TTC7A: variants seen among roughly 807,000 people sequenced by gnomAD.
TTC7A encodes tetratricopeptide repeat protein 7A.
TTC7A carries 110 observed loss-of-function variants against 103.7 expected under a neutral mutation model. The ratio of observed to expected loss-of-function variants is 1.06; its 90% CI spans 0.91 to 1.24. The LOEUF is 1.24. TTC7A is among the 50% of genes most tolerant of loss of function. The pLI, the probability that TTC7A is intolerant of heterozygous loss-of-function variation, is 0.00. For missense variants in TTC7A, 1,340 were observed against 1,116.3 expected, an observed-to-expected ratio of 1.20 and a Z score of -2.86; for synonymous variants, 521 against 467.9, an observed-to-expected ratio of 1.11 and a Z score of -1.47.
chr2:46,957,150 C>T (rs953832926), intron 3 of TTC7A, 143 bp downstream of exon 3: 22 of 1,005,888 alleles, frequency 2.2e-5, no homozygotes, highest in Admixed American at 2.5e-5. Context: ...AGGTGGATGC[C>T]GGTGGCAACC....
intron 3 of TTC7A, among the ~76,000 whole-genome samples, chr2:46,963,945 A>G (rs1341219131): frequency 6.6e-6 from 1 of 152,180 alleles, no homozygotes; most frequent in African/African-American, 2.4e-5. Context: ...CCCCACCTGA[A>G]TCTTGTGGAC....
intron 18 of TTC7A, among the ~76,000 whole-genome samples, chr2:47,059,725 G>T (rs865906144): frequency 2.0e-5 from 3 of 152,164 alleles, no homozygotes; most frequent in African/African-American, 7.2e-5. Flanking sequence ...TAGCTCAGGG[G>T]ACGCCACATC....
intron 19 of TTC7A, among the ~76,000 whole-genome samples, chr2:47,062,537 C>T (rs1383202642): frequency 1.3e-5 from 2 of 152,314 alleles, no homozygotes; most frequent in African/African-American, 4.8e-5. Flanking sequence ...CCAGAGGTCA[C>T]ATCCAGAAAC....
At position 47,074,171 on chromosome 2, in the gene TTC7A, C is replaced by G. The variant is rs1185214526; in HGVS notation, c.*248C>G. The G allele has an allele frequency of 5.5e-6, 3 of 543,334 alleles. No individual in the cohort carries two copies. The highest frequency in any genetic ancestry group is 9.9e-6 in the Non-Finnish European group (3 of 302,536). The allele number at this position is 543,334 out of a possible 1,614,324, so 33.7% of individuals were successfully genotyped here. Reference sequence around the variant, plus strand: ...TGCCTTTGGAGAGTTTTGTGGTGACCAGACTTGCTCCCCAAGAGCTGGGCA... The same window carrying G: ...TGCCTTTGGAGAGTTTTGTGGTGACGAGACTTGCTCCCCAAGAGCTGGGCA... On this transcript the variant is annotated 3_prime_UTR_variant, in exon 20 of 20. Coordinates refer to ENST00000319190, the MANE Select transcript of TTC7A (RefSeq NM_020458.4).
At chr2:47,014,877 C>T (rs551800631) in intron 11 of TTC7A, among the ~76,000 whole-genome samples, 2 of 152,392 alleles carry the variant, frequency 1.3e-5, no homozygotes, top group East Asian at 3.9e-4. Context: ...AGCACCTGCT[C>T]TTCCCACATC....
At chr2:47,032,400 A>G (rs1680644389) in intron 15 of TTC7A, among the ~76,000 whole-genome samples, 1 of 152,128 alleles carries the variant, frequency 6.6e-6, no homozygotes, top group South Asian at 2.1e-4. Context: ...CTTCCTGGAG[A>G]GCAGTGTCTG....
chr2:47,000,965 C>G (rs1676746510), intron 8 of TTC7A, among the ~76,000 whole-genome samples: 1 of 152,044 alleles, frequency 6.6e-6, no homozygotes, highest in Non-Finnish European at 1.5e-5. Flanking sequence ...TTGGGCACTT[C>G]CTCGGAGGTA....
intron 2 of TTC7A, among the ~76,000 whole-genome samples, chr2:46,924,303 A>G (rs1669275033): frequency 6.6e-6 from 1 of 151,254 alleles, no homozygotes; most frequent in Non-Finnish European, 1.5e-5. Flanking sequence ...AAGCCTTGGT[A>G]TCAGCTCATC....
At chr2:46,954,997 C>T (rs1671723485) in intron 2 of TTC7A, among the ~76,000 whole-genome samples, 1 of 152,228 alleles carries the variant, frequency 6.6e-6, no homozygotes, top group African/African-American at 2.4e-5. Context: ...CCACTAGCCA[C>T]ACCCCATCAG....
chr2:46,993,785 CTG>C (rs1333934185), intron 6 of TTC7A, among the ~76,000 whole-genome samples: 4 of 152,176 alleles, frequency 2.6e-5, no homozygotes, highest in African/African-American at 9.7e-5. Flanking sequence ...CCTGGGCAAA[CTG>C]TGTTGACAAA....
intron 8 of TTC7A, among the ~76,000 whole-genome samples, chr2:47,002,364 A>G (rs949603908): frequency 2.0e-5 from 3 of 152,216 alleles, no homozygotes; most frequent in Non-Finnish European, 4.4e-5. Flanking sequence ...AGTGAGGAAG[A>G]GACGGTGAGA....
At chr2:46,936,124 T>G (rs548795982) in intron 2 of TTC7A, among the ~76,000 whole-genome samples, 2 of 152,142 alleles carry the variant, frequency 1.3e-5, no homozygotes, top group African/African-American at 2.4e-5. Context: ...AATAAATATA[T>G]TTGCTTATTT....
intron 5 of TTC7A, among the ~76,000 whole-genome samples, chr2:46,986,665 T>C (rs1018904470): frequency 1.2e-4 from 19 of 152,172 alleles, no homozygotes; most frequent in African/African-American, 4.6e-4. Flanking sequence ...TGGAGCCTGC[T>C]TCCTGCCTGA....
intron 3 of TTC7A, among the ~76,000 whole-genome samples, chr2:46,961,168 G>A (rs989131538): frequency 6.6e-6 from 1 of 152,180 alleles, no homozygotes; most frequent in East Asian, 1.9e-4. Context: ...CCCTGGAAAG[G>A]AAATGTTCCC....
chr2:46,965,881 C>T (rs1186863259), intron 3 of TTC7A, among the ~76,000 whole-genome samples: 1 of 151,980 alleles, frequency 6.6e-6, no homozygotes, highest in Non-Finnish European at 1.5e-5. Context: ...TTATTTGTAA[C>T]TCTGGAGAAG....
chr2:46,987,811 T>C (rs111374247), intron 5 of TTC7A, among the ~76,000 whole-genome samples: 14,975 of 89,836 alleles, frequency 0.17, 851 homozygotes, highest in Admixed American at 0.24. Flanking sequence ...TTTCCGCGCG[T>C]GTGTGTGTGT....
At chr2:46,922,064 G>A (rs1406859143) in intron 2 of TTC7A, among the ~76,000 whole-genome samples, 1 of 152,222 alleles carries the variant, frequency 6.6e-6, no homozygotes, top group Non-Finnish European at 1.5e-5. Context: ...ATATTTGAGT[G>A]GAGGAAAGCT....
At chr2:46,922,596 T>C (rs934560155) in intron 2 of TTC7A, among the ~76,000 whole-genome samples, 7 of 152,190 alleles carry the variant, frequency 4.6e-5, no homozygotes, top group Non-Finnish European at 7.3e-5. Flanking sequence ...TGTTTCTCTG[T>C]GCATCTCTGC....
rs910106873 is a variant in TTC7A at position 47,074,005 on chromosome 2, C to A, written c.*82C>A. 35 of 1,120,610 alleles carry A rather than the reference C, an allele frequency of 3.1e-5. No individual in the cohort carries two copies. The highest frequency in any genetic ancestry group is 4.1e-5 in the Non-Finnish European group (32 of 776,402). 69.4% of individuals were successfully genotyped at this position (1,120,610 alleles called of 1,614,324 possible). On this transcript the variant is annotated 3_prime_UTR_variant, in exon 20 of 20. Coordinates refer to ENST00000319190, the MANE Select transcript of TTC7A (RefSeq NM_020458.4). ...GTGGGTCAGGGTGGGGCAACAGTGG[C>A]ATCAGGTGCGGGGCCTCAGGGAAAT...
Sources: allele counts gnomAD v4.1 joint callset (sites outside exome capture counted in the v4.1 genomes callset), GRCh38; gene constraint gnomAD v4.1.1; transcripts MANE v1.5; gene names NCBI Gene and HGNC (gene_info 2026-07-23, HGNC 2026-07-21).